Variants in RMND5A observed in about 807,000 individuals in gnomAD.
RMND5A encodes the protein E3 ubiquitin-protein transferase RMND5A.
RMND5A carries 17 observed loss-of-function variants against 49.7 expected under a neutral mutation model. The observed-to-expected ratio is 0.34, with a 90% CI of 0.23 to 0.51. The LOEUF is 0.51. Among genes scored for constraint, RMND5A ranks in the 20% least tolerant of loss-of-function variants. The pLI is 0.96. For missense variants in RMND5A, 255 were observed against 471.3 expected, an observed-to-expected ratio of 0.54 and a Z score of 4.25; for synonymous variants, 156 against 167.7, an observed-to-expected ratio of 0.93 and a Z score of 0.54.
At chr2:86,762,666 A>G (rs565639467) in intron 4 of RMND5A, among the ~76,000 whole-genome samples, 1 of 141,906 alleles carries the variant, frequency 7.0e-6, no homozygotes, top group South Asian at 2.2e-4. Context: ...ATATTTTTTT[A>G]TATATATATA....
At chr2:86,766,247 A>C (rs1027724127) in intron 6 of RMND5A, among the ~76,000 whole-genome samples, 2 of 152,218 alleles carry the variant, frequency 1.3e-5, no homozygotes, top group Non-Finnish European at 2.9e-5. Context: ...AGCCTTTTCC[A>C]CTGTATTGAC....
chr2:86,743,502 T>C (rs1367755150), intron 2 of RMND5A, among the ~76,000 whole-genome samples: 1 of 151,990 alleles, frequency 6.6e-6, no homozygotes, highest in African/African-American at 2.4e-5. Flanking sequence ...CTCACTCTTT[T>C]TGCCCAAGCT....
Position 86,773,480 on chromosome 2 carries a change from C to A in RMND5A, c.*69C>A. ...GGGTGCATTTCAGAAGAGAACGTTC[C>A]ATATAATGCAGCTAACCAAGGACTC... On this transcript the variant is annotated 3_prime_UTR_variant, in exon 9 of 9. Transcript: ENST00000283632. The A allele has an allele frequency of 1.0e-6, 1 of 1,001,376 alleles. No homozygotes were observed. Among genetic ancestry groups the A allele is most frequent in the Non-Finnish European group, 1.6e-6 (1 of 630,624 alleles). The allele number at this position is 1,001,376 out of a possible 1,614,324, so 62.0% of individuals were successfully genotyped here.
At chr2:86,765,685 C>G in intron 5 of RMND5A, 174 bp from the exon 6 acceptor site, 1 of 571,920 alleles carries the variant, frequency 1.7e-6, no homozygotes, top group Non-Finnish European at 3.1e-6. Flanking sequence ...CTTCCCTTTT[C>G]TCTCCATGCT....
chr2:86,720,898 G>A, intron 1 of RMND5A, 89 bp downstream of exon 1: 2 of 1,305,396 alleles, frequency 1.5e-6, no homozygotes, highest in Non-Finnish European at 2.0e-6. Flanking sequence ...ACCCACCCTC[G>A]CGCCTCTGGC....
intron 8 of RMND5A, 81 bp downstream of exon 8, chr2:86,771,793 TA>T (rs566657972): frequency 1.8e-6 from 2 of 1,141,738 alleles, no homozygotes; most frequent in Non-Finnish European, 2.5e-6. Context: ...TGATGAGGAT[TA>T]AAAAAATGTA....
At chr2:86,760,952 A>C (rs1160058384) in intron 4 of RMND5A, among the ~76,000 whole-genome samples, 1 of 142,878 alleles carries the variant, frequency 7.0e-6, no homozygotes, top group Non-Finnish European at 1.5e-5. Context: ...TCTACTTTGG[A>C]TTGAGAGAGA....
At chr2:86,757,042 G>T (rs182577152) in intron 4 of RMND5A, among the ~76,000 whole-genome samples, 84 of 152,066 alleles carry the variant, frequency 5.5e-4, no homozygotes, top group African/African-American at 1.9e-3. Context: ...GTATGGTGGC[G>T]CATGCCTGTA....
intron 2 of RMND5A, among the ~76,000 whole-genome samples, chr2:86,743,831 C>CA (rs958834223): frequency 1.5e-4 from 23 of 149,830 alleles, no homozygotes; most frequent in African/African-American, 4.7e-4. Context: ...ACTAAAAATA[C>CA]AAAAAAAAAT....
At chr2:86,758,728 T>C (rs1298989931) in intron 4 of RMND5A, among the ~76,000 whole-genome samples, 1 of 152,220 alleles carries the variant, frequency 6.6e-6, no homozygotes, top group Non-Finnish European at 1.5e-5. Flanking sequence ...TGGTAGTAGT[T>C]CCAGCAGTGG....
At chr2:86,768,836 T>A (rs908388888) in intron 6 of RMND5A, among the ~76,000 whole-genome samples, 3 of 152,130 alleles carry the variant, frequency 2.0e-5, no homozygotes, top group African/African-American at 2.4e-5. Flanking sequence ...GCAAAAAAAA[T>A]GTTTCAGGAG....
chr2:86,771,021 C>T (rs934350729), intron 7 of RMND5A, among the ~76,000 whole-genome samples: 5 of 152,278 alleles, frequency 3.3e-5, no homozygotes, highest in South Asian at 2.1e-4. Flanking sequence ...CAGCAGGTAA[C>T]CCTGTCAGTT....
chr2:86,743,909 C>T (rs1213007541), intron 2 of RMND5A, among the ~76,000 whole-genome samples: 5 of 149,298 alleles, frequency 3.3e-5, no homozygotes, highest in African/African-American at 9.9e-5. Context: ...ACCTGGGAGG[C>T]GGAGGTTGCA....
chr2:86,763,776 CAA>C (rs772378501), intron 4 of RMND5A, among the ~76,000 whole-genome samples: 9 of 131,142 alleles, frequency 6.9e-5, no homozygotes, highest in East Asian at 2.2e-4. Context: ...ACCCCGTCTC[CAA>C]AAAAAAAAAA....
intron 6 of RMND5A, 35 bp from the exon 7 acceptor site, chr2:86,769,988 G>T (rs771278435): frequency 6.5e-7 from 1 of 1,532,904 alleles, no homozygotes; most frequent in African/African-American, 1.4e-5. Context: ...CTGACCCCTG[G>T]CCTGGCACTG....
chr2:86,769,133 C>CT (rs1672645908), intron 6 of RMND5A, among the ~76,000 whole-genome samples: 1 of 151,982 alleles, frequency 6.6e-6, no homozygotes, highest in Non-Finnish European at 1.5e-5. Context: ...TTTGTAGAGA[C>CT]GGGGGTCTCA....
intron 1 of RMND5A, among the ~76,000 whole-genome samples, chr2:86,734,779 C>A (rs72624654): frequency 0.65 from 95,369 of 147,820 alleles, 32,161 homozygotes; most frequent in East Asian, 0.89. Context: ...TGTATTTTTC[C>A]TACCTTGTTG....
chr2:86,750,636 A>C (rs954786742), intron 2 of RMND5A, among the ~76,000 whole-genome samples: 3 of 152,078 alleles, frequency 2.0e-5, no homozygotes, highest in Non-Finnish European at 4.4e-5. Flanking sequence ...AGAATCTGAG[A>C]TTTATGTCTT....
At chr2:86,760,809 A>G (rs921370831) in intron 4 of RMND5A, among the ~76,000 whole-genome samples, 38 of 152,264 alleles carry the variant, frequency 2.5e-4, no homozygotes, top group Non-Finnish European at 7.3e-5. Context: ...CTAAGCCTAC[A>G]GGAAGCTAAT....
Sources: gnomAD v4.1 joint callset for allele counts (sites outside exome capture counted in the v4.1 genomes callset) on GRCh38, gnomAD v4.1.1 for gene constraint, MANE v1.5 for transcripts, NCBI Gene and HGNC (gene_info 2026-07-23, HGNC 2026-07-21) for gene names.